The following NPIPB2 variants were observed in gnomAD, a reference collection of about 807,000 sequenced individuals.
NPIPB2 encodes nuclear pore complex interacting protein family member B2.
NPIPB2 carries 27 observed loss-of-function variants against 30.8 expected under a neutral mutation model. That is an observed-to-expected ratio of 0.88 (90% confidence interval 0.65 to 1.21). The LOEUF is 1.21. NPIPB2 is among the 50% of genes most tolerant of loss of function. NPIPB2 has a pLI of 0.00. For missense variants in NPIPB2, 440 were observed against 446.2 expected (o/e 0.99, Z 0.13); for synonymous variants, 147 against 162.0 (o/e 0.91, Z 0.70).
intron 4 of NPIPB2, among the ~76,000 whole-genome samples, chr16:11,931,837 G>C (rs2054793533): frequency 6.6e-6 from 1 of 152,102 alleles, no homozygotes; most frequent in Admixed American, 6.6e-5. Flanking sequence ...AAACAGACAA[G>C]AGGTGAAGAT....
rs760288789 is a variant in NPIPB2, at chr16:11,953,820, C to T, written c.-583-11706G>A. Among the ~76,000 whole-genome samples, 14 of 148,770 alleles carry T rather than the reference C, an allele frequency of 9.4e-5. 1 individual carries two copies. In the East Asian group the frequency reaches 9.9e-4, roughly 11 times the overall value. ...CCTCCTGAGTAGCTGGGATTACAGG[C>T]GCACACTAACATGCCTGGCTAATTT... On this transcript the variant is annotated intron_variant, in intron 1 of 5. Transcript: ENST00000538896.
intron 1 of NPIPB2, among the ~76,000 whole-genome samples, chr16:11,962,472 CATG>C (rs2055160530): frequency 6.6e-6 from 1 of 151,524 alleles, no homozygotes; most frequent in South Asian, 2.1e-4. Flanking sequence ...ATTAGCCAGA[CATG>C]GTGGTGGGTG....
chr16:11,940,132 C>T (rs2150917246), intron 1 of NPIPB2, among the ~76,000 whole-genome samples: 1 of 66,948 alleles, frequency 1.5e-5, no homozygotes, highest in African/African-American at 3.4e-5. Context: ...AGGCGGATCA[C>T]CTGAGGTCGG....
chr16:11,959,303 CA>C, intron 1 of NPIPB2, among the ~76,000 whole-genome samples: 1 of 152,182 alleles, frequency 6.6e-6, no homozygotes, highest in South Asian at 2.1e-4. Flanking sequence ...TGCTCCTAGC[CA>C]GGCACAGTGG....
chr16:11,962,413 C>G (rs773667242), intron 1 of NPIPB2, among the ~76,000 whole-genome samples: 13 of 151,416 alleles, frequency 8.6e-5, no homozygotes, highest in Non-Finnish European at 1.6e-4. Context: ...TCGAGACCAT[C>G]CTGGCTAAGA....
intron 1 of NPIPB2, among the ~76,000 whole-genome samples, chr16:11,958,246 C>T (rs966734607): frequency 6.6e-6 from 1 of 151,404 alleles, no homozygotes; most frequent in Non-Finnish European, 1.5e-5. Context: ...GCCAACATAG[C>T]AAAACCTCAC....
chr16:11,947,356 T>G (rs2150924186), intron 1 of NPIPB2, among the ~76,000 whole-genome samples: 1 of 149,280 alleles, frequency 6.7e-6, no homozygotes, highest in East Asian at 1.9e-4. Flanking sequence ...TTATTATTTA[T>G]TTTTGAGAGA....
At chr16:11,941,151 G>A in intron 1 of NPIPB2, 7 of 1,499,050 alleles carry the variant, frequency 4.7e-6, no homozygotes, top group Non-Finnish European at 6.2e-6. Flanking sequence ...AAACCCCGCG[G>A]GTCCAGCGTC....
intron 1 of NPIPB2, among the ~76,000 whole-genome samples, chr16:11,976,290 C>T (rs2055295302): frequency 6.6e-6 from 1 of 152,190 alleles, no homozygotes; most frequent in African/African-American, 2.4e-5. Context: ...TGCAATTGCC[C>T]CTCCTTATGG....
upstream of NPIPB2, among the ~76,000 whole-genome samples, chr16:11,944,157 G>A (rs747079620): frequency 3.3e-5 from 5 of 151,290 alleles, no homozygotes; most frequent in East Asian, 7.9e-4. Context: ...CTGTGATACA[G>A]ATGATAAACT....
intron 1 of NPIPB2, among the ~76,000 whole-genome samples, chr16:11,959,266 T>TA (rs202077597): frequency 1.8e-4 from 27 of 151,334 alleles, no homozygotes; most frequent in Middle Eastern, 3.4e-3. Context: ...TCATAAAACT[T>TA]AAAAAAAAAT....
At chr16:11,932,873 G>C (rs1219256068) in intron 4 of NPIPB2, among the ~76,000 whole-genome samples, 1 of 143,898 alleles carries the variant, frequency 6.9e-6, no homozygotes, top group East Asian at 2.0e-4. Context: ...AGGCAGAATT[G>C]CTTCAAATTG....
intron 1 of NPIPB2, among the ~76,000 whole-genome samples, chr16:11,969,588 T>C (rs998643169): frequency 7.2e-5 from 11 of 152,196 alleles, no homozygotes; most frequent in African/African-American, 2.2e-4. Context: ...AGCTAACTTA[T>C]GTACTTCTGC....
At chr16:11,941,217 C>A (rs947965324) in intron 1 of NPIPB2, 1 of 1,527,408 alleles carries the variant, frequency 6.5e-7, no homozygotes, top group Non-Finnish European at 8.8e-7. Flanking sequence ...AAAAGAGGAG[C>A]CAAAAGAGCA....
upstream of NPIPB2, among the ~76,000 whole-genome samples, chr16:11,943,953 G>T (rs1362773822): frequency 1.6e-5 from 2 of 126,362 alleles, no homozygotes; most frequent in Non-Finnish European, 3.1e-5. Flanking sequence ...AGCCGAGATC[G>T]CGCCACTGCA....
intron 1 of NPIPB2, among the ~76,000 whole-genome samples, chr16:11,955,480 C>A (rs2055102629): frequency 6.6e-6 from 1 of 150,814 alleles, no homozygotes; most frequent in African/African-American, 2.4e-5. Flanking sequence ...GAGGCTGAGG[C>A]AGGTGGATCA....
chr16:11,966,539 C>T (rs1174463090), intron 1 of NPIPB2, among the ~76,000 whole-genome samples: 1 of 152,210 alleles, frequency 6.6e-6, no homozygotes, highest in African/African-American at 2.4e-5. Flanking sequence ...AGATTTTCTA[C>T]AATGTCAGTC....
intron 1 of NPIPB2, among the ~76,000 whole-genome samples, chr16:11,950,892 T>C (rs2055055352): frequency 6.6e-6 from 1 of 152,154 alleles, no homozygotes; most frequent in Admixed American, 6.6e-5. Flanking sequence ...GCTGAGAACA[T>C]ACAGAGAAGT....
chr16:11,958,677 G>C (rs535534609), intron 1 of NPIPB2, among the ~76,000 whole-genome samples: 3 of 152,166 alleles, frequency 2.0e-5, no homozygotes, highest in Non-Finnish European at 4.4e-5. Flanking sequence ...GGAGGTTGAG[G>C]CTGCAGTGAG....
Sources: gnomAD v4.1 joint callset for allele counts (sites outside exome capture counted in the v4.1 genomes callset) on GRCh38, gnomAD v4.1.1 for gene constraint, MANE v1.5 for transcripts, NCBI Gene and HGNC (gene_info 2026-07-23, HGNC 2026-07-21) for gene names.